The following GNA14 variants were observed in gnomAD, a reference collection of about 807,000 sequenced individuals.
The protein encoded by GNA14 is guanine nucleotide-binding protein subunit alpha-14.
Under a neutral mutation model 42.0 loss-of-function variants are expected in GNA14, and 50 were observed. The observed-to-expected ratio is 1.19, with a 90% CI of 0.95 to 1.51. The LOEUF is 1.51. GNA14 is among the 40% of genes most tolerant of loss of function. The pLI is 0.00. For synonymous variants in GNA14, 173 were observed against 163.1 expected (o/e 1.06, Z -0.46); for missense variants, 473 against 446.2 (o/e 1.06, Z -0.54).
chr9:77,499,521 G>A (rs1243529143), intron 2 of GNA14, among the ~76,000 whole-genome samples: 2 of 151,980 alleles, frequency 1.3e-5, no homozygotes, highest in Non-Finnish European at 2.9e-5. Flanking sequence ...GTAAAGTTAG[G>A]TATACATACA....
intron 2 of GNA14, among the ~76,000 whole-genome samples, chr9:77,481,649 T>A (rs1214694308): frequency 6.6e-6 from 1 of 152,092 alleles, no homozygotes; most frequent in Non-Finnish European, 1.5e-5. Flanking sequence ...GACAGTGGGG[T>A]GTTAAAGTCT....
chr9:77,627,149 C>T (rs549592332), intron 1 of GNA14, among the ~76,000 whole-genome samples: 23 of 152,238 alleles, frequency 1.5e-4, no homozygotes, highest in Non-Finnish European at 3.1e-4. Flanking sequence ...TTCATAAATT[C>T]CTGGACACAT....
chr9:77,496,850 A>C (rs774019344), intron 2 of GNA14, among the ~76,000 whole-genome samples: 2 of 152,176 alleles, frequency 1.3e-5, no homozygotes, highest in Non-Finnish European at 2.9e-5. Flanking sequence ...TTAATGGAAT[A>C]TTTCGAACAA....
chr9:77,552,794 C>G (rs1013723858), intron 1 of GNA14, among the ~76,000 whole-genome samples: 6 of 152,142 alleles, frequency 3.9e-5, no homozygotes, highest in African/African-American at 7.2e-5. Context: ...GTTCTTATAG[C>G]CAAATACAAT....
chr9:77,645,544 T>C lies in GNA14; in HGVS notation c.124+2126A>G, dbSNP rs75442598. Among the ~76,000 whole-genome samples the C allele has an allele frequency of 4.7e-3, 712 of 152,200 alleles. 37 individuals carry two copies. In the East Asian group the frequency reaches 0.12, roughly 25 times the overall value. On this transcript the variant is annotated intron_variant, in intron 1 of 6. Coordinates refer to ENST00000341700, the MANE Select transcript of GNA14 (RefSeq NM_004297.4). The stretch of plus-strand genomic sequence containing the variant: ...TAGTCACAACTCCGCAAGATGAAAA[T>C]GGGAGTTTCCAGAGGTCAGACAGTG...
At position 77,515,971 on chromosome 9, in the gene GNA14, A is replaced by AAAAAAAAAAAAAAAAC. The variant is rs1554693936; in HGVS notation, c.309+13097_309+13098insGTTTTTTTTTTTTTTT. ...AAGACCCTGTCTCACAAAAAAAAAA[A>AAAAAAAAAAAAAAAAC]AAAAAAAAAAAACCCAGAGCAGGAA... On this transcript the variant is annotated intron_variant, in intron 2 of 6. Transcript: ENST00000341700. Among the ~76,000 whole-genome samples the AAAAAAAAAAAAAAAAC allele has an allele frequency of 5.4e-5, 8 of 147,316 alleles. 1 individual carries two copies. The highest frequency in any genetic ancestry group is 7.5e-5 in the Non-Finnish European group (5 of 66,380).
In GNA14 at chr9:77,642,830, G is replaced by T. The variant is rs986372779; in HGVS notation, c.124+4840C>A. On this transcript the variant is annotated intron_variant, in intron 1 of 6. Transcript: ENST00000341700. Reference sequence around the variant, plus strand: ...ACTCAATGAAATCTGGTCCCCAAGGGATCCTTCATATGATCCCAGATCCTA... The same window carrying T: ...ACTCAATGAAATCTGGTCCCCAAGGTATCCTTCATATGATCCCAGATCCTA... Among the ~76,000 whole-genome samples, 5 of 152,008 alleles carry T rather than the reference G, an allele frequency of 3.3e-5. No individual in the cohort carries two copies. The East Asian group carries it at 9.6e-4, about 29-fold the overall frequency.
chr9:77,561,139 G>T (rs1305326247), intron 1 of GNA14, among the ~76,000 whole-genome samples: 1 of 152,096 alleles, frequency 6.6e-6, no homozygotes, highest in African/African-American at 2.4e-5. Flanking sequence ...CACAATTAAG[G>T]TGTCACCAGG....
chr9:77,465,613 A>G (rs1216856839), intron 2 of GNA14, among the ~76,000 whole-genome samples: 1 of 152,056 alleles, frequency 6.6e-6, no homozygotes, highest in Non-Finnish European at 1.5e-5. Context: ...ACCATCACCA[A>G]TGTATGAGAG....
At chr9:77,566,438 A>G (rs900316494) in intron 1 of GNA14, among the ~76,000 whole-genome samples, 5 of 152,146 alleles carry the variant, frequency 3.3e-5, no homozygotes, top group Admixed American at 6.5e-5. Flanking sequence ...TATAGGCGTG[A>G]GCCACTGCAC....
chr9:77,575,337 G>A (rs1823112011), intron 1 of GNA14, among the ~76,000 whole-genome samples: 2 of 152,024 alleles, frequency 1.3e-5, no homozygotes, highest in Admixed American at 6.6e-5. Context: ...AGCTGAGATC[G>A]CGCCACTGCA....
At chr9:77,433,566 C>T (rs925949489) in intron 3 of GNA14, among the ~76,000 whole-genome samples, 1 of 151,904 alleles carries the variant, frequency 6.6e-6, no homozygotes, top group Non-Finnish European at 1.5e-5. Context: ...TCTTGCTCTG[C>T]TGCCCAGGCT....
At chr9:77,575,102 T>C (rs1413293055) in intron 1 of GNA14, among the ~76,000 whole-genome samples, 3 of 152,216 alleles carry the variant, frequency 2.0e-5, no homozygotes, top group Non-Finnish European at 4.4e-5. Flanking sequence ...ATACCCTTAC[T>C]CAGTTTCCAG....
intron 1 of GNA14, among the ~76,000 whole-genome samples, chr9:77,531,794 AAC>A (rs1371482484): frequency 2.0e-5 from 3 of 152,210 alleles, no homozygotes; most frequent in Non-Finnish European, 4.4e-5. Context: ...ACCAGCCCCA[AAC>A]ACACAAACAT....
intron 1 of GNA14, among the ~76,000 whole-genome samples, chr9:77,637,807 A>C (rs769011532): frequency 6.6e-6 from 1 of 152,202 alleles, no homozygotes; most frequent in Non-Finnish European, 1.5e-5. Context: ...TAAACCATGA[A>C]AAGAAAAATT....
At chr9:77,464,100 A>C (rs1428776894) in intron 2 of GNA14, among the ~76,000 whole-genome samples, 1 of 152,090 alleles carries the variant, frequency 6.6e-6, no homozygotes, top group Admixed American at 6.6e-5. Context: ...TCCTGGGCTC[A>C]AGTCATTGCC....
At chr9:77,424,742 A>G (rs17063627) in intron 6 of GNA14, among the ~76,000 whole-genome samples, 11,215 of 152,246 alleles carry the variant, frequency 0.074, 512 homozygotes, top group East Asian at 0.14. Context: ...TTGGACCACT[A>G]TTGAAGAGAA....
chr9:77,632,384 C>G (rs976868534), intron 1 of GNA14, among the ~76,000 whole-genome samples: 1 of 152,178 alleles, frequency 6.6e-6, no homozygotes, highest in Admixed American at 6.5e-5. Context: ...TCCCATGGAC[C>G]AGAGTGGGAA....
chr9:77,461,083 G>A (rs1298719019), intron 2 of GNA14, among the ~76,000 whole-genome samples: 5 of 152,212 alleles, frequency 3.3e-5, no homozygotes, highest in Admixed American at 2.0e-4. Flanking sequence ...CACTCATGCT[G>A]ATCAGTCACT....
Sources: gnomAD v4.1 joint callset for allele counts (sites outside exome capture counted in the v4.1 genomes callset) on GRCh38, gnomAD v4.1.1 for gene constraint, MANE v1.5 for transcripts, NCBI Gene and HGNC (gene_info 2026-07-23, HGNC 2026-07-21) for gene names.